SIKE1: variants seen among roughly 807,000 people sequenced by gnomAD.
SIKE1 encodes suppressor of IKK epsilon.
A neutral mutation model predicts 25.8 loss-of-function variants in SIKE1; 13 were observed. That is an observed-to-expected ratio of 0.50 (90% CI 0.33 to 0.80). SIKE1 has a LOEUF of 0.80. Among genes scored for constraint, SIKE1 ranks in the 30% least tolerant of loss-of-function variants. The pLI is 0.02. For missense variants in SIKE1, 222 were observed against 252.4 expected (o/e 0.88, Z 0.82); for synonymous variants, 86 against 95.5 (o/e 0.90, Z 0.58).
chr1:114,776,289 T>C, intron 4 of SIKE1, 57 bp downstream of exon 4: 2 of 1,025,588 alleles, frequency 2.0e-6, no homozygotes, highest in Non-Finnish European at 1.5e-6. Flanking sequence ...TGATGGCATA[T>C]CTTCCAGACT....
intron 3 of SIKE1, among the ~76,000 whole-genome samples, chr1:114,778,222 A>T (rs1662300032): frequency 6.6e-6 from 1 of 152,232 alleles, no homozygotes; most frequent in Admixed American, 6.5e-5. Context: ...AGTACACAAG[A>T]ATGTACAATG....
chr1:114,777,605 G>A (rs902862548), intron 3 of SIKE1, among the ~76,000 whole-genome samples: 2 of 152,144 alleles, frequency 1.3e-5, no homozygotes, highest in Admixed American at 6.6e-5. Flanking sequence ...GAGAATAAAT[G>A]AGTAATCTTT....
chr1:114,774,033 G>GA lies in SIKE1; in HGVS notation c.*237dup, dbSNP rs1662140463. Reference sequence around the variant, plus strand: ...TTATATAAATCAAGGTCCCAGAAATGAAAATTAAAAGTAGTCTCTTTGAGA... The same window carrying GA: ...TTATATAAATCAAGGTCCCAGAAATGAAAAATTAAAAGTAGTCTCTTTGAGA... On this transcript the variant is annotated 3_prime_UTR_variant, in exon 5 of 5. Coordinates refer to ENST00000060969, the MANE Select transcript of SIKE1 (RefSeq NM_025073.3). 1 of 328,864 alleles carries GA rather than the reference G, an allele frequency of 3.0e-6. No homozygotes were observed. The highest frequency in any genetic ancestry group is 5.5e-6 in the Non-Finnish European group (1 of 181,838). The allele number at this position is 328,864 out of a possible 1,614,324, so 20.4% of individuals were successfully genotyped here. A position where few individuals can be genotyped will look rare whatever the true frequency, so the allele number is the denominator to read the frequency against.
chr1:114,775,252 G>C (rs914595883), intron 4 of SIKE1, among the ~76,000 whole-genome samples: 1 of 152,152 alleles, frequency 6.6e-6, no homozygotes, highest in Non-Finnish European at 1.5e-5. Flanking sequence ...AAGATGTGCG[G>C]AAGTCCCAGC....
At chr1:114,777,186 C>T (rs1662268141) in intron 3 of SIKE1, among the ~76,000 whole-genome samples, 1 of 151,992 alleles carries the variant, frequency 6.6e-6, no homozygotes, top group Admixed American at 6.6e-5. Context: ...ACCATCATGG[C>T]ACATGTATAC....
At chr1:114,776,310 T>G in intron 4 of SIKE1, 36 bp downstream of exon 4, 8 of 1,270,594 alleles carry the variant, frequency 6.3e-6, no homozygotes, top group Non-Finnish European at 9.2e-6. Context: ...CGGAAAACTA[T>G]GAAATACTGT....
intron 3 of SIKE1, among the ~76,000 whole-genome samples, 174 bp from the exon 4 acceptor site, chr1:114,776,633 C>T (rs1662249129): frequency 1.3e-5 from 2 of 149,936 alleles, no homozygotes; most frequent in South Asian, 4.2e-4. Flanking sequence ...GTAAAGTGAC[C>T]TTGTATTCAC....
intron 3 of SIKE1, among the ~76,000 whole-genome samples, chr1:114,778,636 C>T (rs1196312991): frequency 6.6e-6 from 1 of 152,008 alleles, no homozygotes; most frequent in Non-Finnish European, 1.5e-5. Flanking sequence ...CAGCCCCTAT[C>T]CTCCTTCTTT....
chr1:114,778,208 A>G (rs193037976), intron 3 of SIKE1, among the ~76,000 whole-genome samples: 1 of 152,362 alleles, frequency 6.6e-6, no homozygotes, highest in African/African-American at 2.4e-5. Context: ...GAATTAAATG[A>G]TACAGTACAC....
chr1:114,780,620 A>T lies in SIKE1; in HGVS notation c.-13T>A. Reference sequence around the variant, plus strand: ...TGGTGCAGCTCATAGCAGCAGCACCACCCCAGCCCCTGCCGGGCTCAGCTA... The same window carrying T: ...TGGTGCAGCTCATAGCAGCAGCACCTCCCCAGCCCCTGCCGGGCTCAGCTA... On this transcript the variant is annotated 5_prime_UTR_variant, in exon 1 of 5. Transcript: ENST00000060969. 6.3e-7 allele frequency: 1 copy of T among 1,591,216 alleles called. No homozygotes were observed.
rs199739274 is a variant in SIKE1 at position 114,779,151 on chromosome 1, A to G, written c.399T>C (p.Ser133=). 26 of 1,614,176 alleles carry G rather than the reference A, an allele frequency of 1.6e-5. No individual in the cohort carries two copies. The highest frequency in any genetic ancestry group is 1.2e-4 in the Admixed American group (7 of 60,018). The change falls in exon 3 of 5, where the codon TCT becomes TCC. Residue 133 remains serine (S), a synonymous_variant. Coordinates refer to ENST00000060969, the MANE Select transcript of SIKE1 (RefSeq NM_025073.3). ...ATTCAAAGTTTCTTACTGCAGAGTG[A>G]GACTGGTGAGCTTTCAGGACTGGTT... The part of the protein sequence containing the change: ...DAEPVLKAHQ[S]HSAEIESQID...
At chr1:114,776,661 T>C (rs1035380721) in intron 3 of SIKE1, among the ~76,000 whole-genome samples, 11 of 151,736 alleles carry the variant, frequency 7.2e-5, no homozygotes, top group Admixed American at 4.6e-4. Flanking sequence ...TTTTTTTTTT[T>C]CTTTCAAAAA....
At chr1:114,776,582 G>A (rs904486246) in intron 3 of SIKE1, 123 bp from the exon 4 acceptor site, 5 of 672,372 alleles carry the variant, frequency 7.4e-6, no homozygotes, top group African/African-American at 1.8e-5. Flanking sequence ...AAGTTACAAT[G>A]GAGTTTCCCT....
rs768289356 is a variant in SIKE1, at chr1:114,774,326, G to C, written c.569C>G (p.Ser190Cys). ...LRELLSISSESLQARKENSMD... is the reference protein window; with the variant it reads ...LRELLSISSECLQARKENSMD... ...TGAGTTTTCCTTTCTGGCTTGAAGA[G>C]ACTCACTGCTGATGGACAATAATTC... The change falls in exon 5 of 5, where the codon TCT becomes TGT. Residue 190 changes from serine to cysteine, a missense_variant. Transcript: ENST00000060969. The C allele has an allele frequency of 4.3e-6, 7 of 1,612,312 alleles. No individual in the cohort carries two copies. The highest frequency in any genetic ancestry group is 5.9e-6 in the Non-Finnish European group (7 of 1,178,796).
rs1662334671 is a variant in SIKE1, at chr1:114,779,196, A to G, written c.354T>C (p.Ala118=). The change falls in exon 3 of 5, where the codon GCT becomes GCC. Residue 118 remains alanine, a synonymous_variant. Coordinates refer to ENST00000060969, the MANE Select transcript of SIKE1 (RefSeq NM_025073.3). ...YRKQMLQLMV[A]KKAVDAEPVL... is the part of the protein sequence containing the mutation. ...CTGGTTCAGCATCCACCGCTTTTTT[A>G]GCAACCATTAACTGTAACATCTGTT... 2 of 1,614,226 alleles carry G rather than the reference A, an allele frequency of 1.2e-6. No individual in the cohort carries two copies. Among genetic ancestry groups the G allele is most frequent in the East Asian group, 2.2e-5 (1 of 44,892 alleles).
At position 114,769,610 on chromosome 1, in the gene SIKE1, A is replaced by G. The variant is rs1214004774; in HGVS notation, c.*4661T>C. 6.6e-6 allele frequency: 1 copy of G among 152,178 alleles called. No individual in the cohort carries two copies. The highest frequency in any genetic ancestry group is 2.1e-4 in the South Asian group (1 of 4,834). The allele number at this position is 152,178 out of a possible 1,614,324, so 9.4% of individuals were successfully genotyped here. ...AATAAAACTTGTGAATTCTAGAGAC[A>G]TGTTGAGTGAAAAAAACCAAATCCT... On this transcript the variant is annotated 3_prime_UTR_variant, in exon 5 of 5. Coordinates refer to ENST00000060969, the MANE Select transcript of SIKE1 (RefSeq NM_025073.3).
chr1:114,779,844 C>T (rs1662351471), intron 2 of SIKE1, among the ~76,000 whole-genome samples: 1 of 152,196 alleles, frequency 6.6e-6, no homozygotes, highest in Admixed American at 6.5e-5. Flanking sequence ...AGGCTATGAA[C>T]TCTTTTGTTA....
chr1:114,778,232 G>A (rs2101132941), intron 3 of SIKE1, among the ~76,000 whole-genome samples: 1 of 152,272 alleles, frequency 6.6e-6, no homozygotes, highest in African/African-American at 2.4e-5. Flanking sequence ...AATGTACAAT[G>A]ACAACCATGA....
Position 114,774,190 on chromosome 1 carries a change from C to A in SIKE1, c.*81G>T. ...AGATTAAATCAAATCTGAGGCAAGACACTTAATGGACAGTACTTGAATGGG... is the reference window on the plus strand; with the variant it reads ...AGATTAAATCAAATCTGAGGCAAGAAACTTAATGGACAGTACTTGAATGGG... On this transcript the variant is annotated 3_prime_UTR_variant, in exon 5 of 5. Transcript: ENST00000060969. 1 of 1,069,502 alleles carries A rather than the reference C, an allele frequency of 9.4e-7. No homozygotes were observed. The highest frequency in any genetic ancestry group is 1.5e-5 in the South Asian group (1 of 67,500). The allele number at this position is 1,069,502 out of a possible 1,614,324, so 66.3% of individuals were successfully genotyped here. A position where few individuals can be genotyped will look rare whatever the true frequency, so the allele number is the denominator to read the frequency against.
Sources: allele counts gnomAD v4.1 joint callset (sites outside exome capture counted in the v4.1 genomes callset), GRCh38; gene constraint gnomAD v4.1.1; transcripts MANE v1.5; gene names NCBI Gene and HGNC (gene_info 2026-07-23, HGNC 2026-07-21).